Variants in FILIP1 observed in about 807,000 individuals in gnomAD.
FILIP1 encodes the protein filamin A interacting protein 1.
FILIP1 carries 61 observed loss-of-function variants against 102.1 expected under a neutral mutation model. The observed-to-expected ratio is 0.60, with a 90% CI of 0.49 to 0.74. FILIP1 has a LOEUF of 0.74. FILIP1 is among the 30% of genes least tolerant of loss of function. The probability of loss-of-function intolerance (pLI) is 0.00; values close to 1 mark genes in which losing one functional copy is unlikely to be tolerated. For synonymous variants in FILIP1, 491 were observed against 526.9 expected, an observed-to-expected ratio of 0.93 and a Z score of 0.93; for missense variants, 1,314 against 1,441.2, an observed-to-expected ratio of 0.91 and a Z score of 1.43.
chr6:75,466,546 C>A (rs749406191), intron 1 of FILIP1, among the ~76,000 whole-genome samples: 11 of 152,204 alleles, frequency 7.2e-5, no homozygotes, highest in Non-Finnish European at 1.5e-5. Flanking sequence ...TTCCTGAATG[C>A]CTATTCTGCA....
chr6:75,336,872 C>T (rs1296026426), intron 4 of FILIP1, among the ~76,000 whole-genome samples: 5 of 152,078 alleles, frequency 3.3e-5, no homozygotes, highest in Non-Finnish European at 7.4e-5. Context: ...CTAAATAACA[C>T]TGTTTATTAG....
chr6:75,380,540 A>T (rs1775880284), intron 2 of FILIP1, among the ~76,000 whole-genome samples: 1 of 152,160 alleles, frequency 6.6e-6, no homozygotes, highest in South Asian at 2.1e-4. Context: ...AAGACATATG[A>T]CTCTAAAAAG....
chr6:75,486,341 T>C (rs1178181785), intron 1 of FILIP1, among the ~76,000 whole-genome samples: 1 of 152,158 alleles, frequency 6.6e-6, no homozygotes, highest in Non-Finnish European at 1.5e-5. Flanking sequence ...TGCATCTCAG[T>C]GCCCCAGGCC....
intron 2 of FILIP1, among the ~76,000 whole-genome samples, chr6:75,372,744 A>AAGAAAG (rs1231655769): frequency 3.5e-5 from 2 of 57,902 alleles, no homozygotes; most frequent in African/African-American, 1.6e-4. Flanking sequence ...GAAAGAAAGA[A>AAGAAAG]AGAAAGAAAG....
intron 2 of FILIP1, among the ~76,000 whole-genome samples, chr6:75,394,427 TG>T (rs949408122): frequency 1.3e-5 from 2 of 152,234 alleles, no homozygotes; most frequent in East Asian, 1.9e-4. Context: ...AAACAAAAAT[TG>T]ATGTCTGACT....
chr6:75,356,105 A>G (rs1260204766), intron 3 of FILIP1, among the ~76,000 whole-genome samples: 1 of 152,222 alleles, frequency 6.6e-6, no homozygotes, highest in Non-Finnish European at 1.5e-5. Flanking sequence ...TAGTTGAAAC[A>G]GACATATTTA....
intron 1 of FILIP1, among the ~76,000 whole-genome samples, chr6:75,450,207 G>A (rs1778580340): frequency 1.3e-5 from 2 of 152,076 alleles, no homozygotes; most frequent in Admixed American, 6.6e-5. Context: ...TGAACTCCTG[G>A]CCTGAAGGGA....
At chr6:75,408,650 A>G (rs1191106489) in intron 2 of FILIP1, among the ~76,000 whole-genome samples, 1 of 152,232 alleles carries the variant, frequency 6.6e-6, no homozygotes, top group Admixed American at 6.5e-5. Context: ...AGAGAGATCA[A>G]AAAGGAGTCT....
At chr6:75,321,056 T>G (rs1773636428) in intron 4 of FILIP1, among the ~76,000 whole-genome samples, 1 of 152,158 alleles carries the variant, frequency 6.6e-6, no homozygotes, top group South Asian at 2.1e-4. Flanking sequence ...CTCCTCTTCC[T>G]CTTCTACTTC....
chr6:75,329,194 T>G (rs1193759498), intron 4 of FILIP1, among the ~76,000 whole-genome samples: 1 of 152,198 alleles, frequency 6.6e-6, no homozygotes, highest in Non-Finnish European at 1.5e-5. Flanking sequence ...TTGGAACACT[T>G]GTCAATCTGT....
At chr6:75,412,005 G>T (rs1290347702) in intron 2 of FILIP1, among the ~76,000 whole-genome samples, 1 of 152,164 alleles carries the variant, frequency 6.6e-6, no homozygotes, top group East Asian at 1.9e-4. Flanking sequence ...ATTACTTTGG[G>T]CAGTGTGGCC....
intron 6 of FILIP1, among the ~76,000 whole-genome samples, chr6:75,301,515 G>A (rs9447467): frequency 1.4e-3 from 218 of 152,110 alleles, no homozygotes; most frequent in African/African-American, 5.0e-3. Flanking sequence ...GATCTCTAAG[G>A]TCTATTTCAG....
chr6:75,427,064 AC>A (rs1777651178), intron 1 of FILIP1, among the ~76,000 whole-genome samples: 1 of 152,080 alleles, frequency 6.6e-6, no homozygotes, highest in Admixed American at 6.6e-5. Flanking sequence ...TTTGTGTGAT[AC>A]CCCAAGATAT....
chr6:75,346,130 G>A (rs977068865), intron 4 of FILIP1, among the ~76,000 whole-genome samples: 2 of 152,150 alleles, frequency 1.3e-5, no homozygotes, highest in African/African-American at 4.8e-5. Context: ...AGTCATCCAG[G>A]TAGTAGCACT....
chr6:75,390,240 C>T (rs997438943), intron 2 of FILIP1, among the ~76,000 whole-genome samples: 13 of 152,158 alleles, frequency 8.5e-5, no homozygotes. Context: ...CCTCCTTGCT[C>T]ATCATCACTG....
chr6:75,373,077 C>T (rs1037432384), intron 2 of FILIP1, among the ~76,000 whole-genome samples: 2 of 152,134 alleles, frequency 1.3e-5, no homozygotes. Flanking sequence ...ATGGTACATA[C>T]ATACAATGGA....
intron 1 of FILIP1, chr6:75,465,442 A>T: frequency 3.4e-6 from 3 of 880,168 alleles, no homozygotes; most frequent in East Asian, 5.6e-5. Flanking sequence ...TCACTGACCC[A>T]TATCAATGCT....
intron 1 of FILIP1, among the ~76,000 whole-genome samples, chr6:75,486,090 T>C (rs1470391432): frequency 6.6e-6 from 1 of 152,010 alleles, no homozygotes; most frequent in African/African-American, 2.4e-5. Flanking sequence ...AACTCCCTCT[T>C]GAACCCACTT....
rs551390498 is a variant in FILIP1, at chr6:75,295,886, C to T, written c.*24G>A. On this transcript the variant is annotated 3_prime_UTR_variant, in exon 7 of 7. Transcript: ENST00000393004. Reference sequence around the variant, plus strand: ...AGGGATTCAGAGGTCGTACACACACCCAGTATGTGCTTGGTTTACCATTTC... The same window carrying T: ...AGGGATTCAGAGGTCGTACACACACTCAGTATGTGCTTGGTTTACCATTTC... 4.9e-6 allele frequency: 7 copies of T among 1,425,676 alleles called. No homozygotes were observed. In the Admixed American group the frequency reaches 1.7e-4, roughly 35 times the overall value. 88.3% of individuals were successfully genotyped at this position (1,425,676 alleles called of 1,614,324 possible).
Sources: allele counts gnomAD v4.1 joint callset (sites outside exome capture counted in the v4.1 genomes callset), GRCh38; gene constraint gnomAD v4.1.1; transcripts MANE v1.5; gene names NCBI Gene and HGNC (gene_info 2026-07-23, HGNC 2026-07-21).